The following MED13L variants were observed in gnomAD, a reference collection of about 807,000 sequenced individuals.
The protein encoded by MED13L is mediator of RNA polymerase II transcription subunit 13-like.
Under a neutral mutation model 220.9 loss-of-function variants are expected in MED13L, and 7 were observed. That is an observed-to-expected ratio of 0.03 (90% CI 0.02 to 0.06). The LOEUF is 0.06. Ranked by LOEUF, MED13L falls within the 10% of genes least tolerant of loss-of-function variation. The pLI, the probability that MED13L is intolerant of heterozygous loss-of-function variation, is 1.00. For synonymous variants in MED13L, 1,011 were observed against 1,015.2 expected, an observed-to-expected ratio of 1.00 and a Z score of 0.08; for missense variants, 1,965 against 2,760.5, an observed-to-expected ratio of 0.71 and a Z score of 6.46.
chr12:116,175,810 T>C (rs2138200017), intron 2 of MED13L, among the ~76,000 whole-genome samples: 1 of 152,222 alleles, frequency 6.6e-6, no homozygotes, highest in African/African-American at 2.4e-5. Flanking sequence ...TGAGAAATGA[T>C]GCCGTTAAAC....
intron 1 of MED13L, among the ~76,000 whole-genome samples, chr12:116,248,064 A>C (rs1277218748): frequency 6.6e-6 from 1 of 152,196 alleles, no homozygotes; most frequent in Non-Finnish European, 1.5e-5. Context: ...TAGGCTGGTG[A>C]GGAAATCTAA....
intron 2 of MED13L, among the ~76,000 whole-genome samples, chr12:116,225,511 G>C (rs1483177599): frequency 1.3e-5 from 2 of 152,204 alleles, no homozygotes; most frequent in Admixed American, 6.5e-5. Flanking sequence ...AGAGTTGTAT[G>C]TAATTTGTCC....
chr12:116,261,981 A>T (rs1381433769), intron 1 of MED13L, among the ~76,000 whole-genome samples: 1 of 152,140 alleles, frequency 6.6e-6, no homozygotes, highest in Non-Finnish European at 1.5e-5. Flanking sequence ...TTTCTCTCTA[A>T]AACATAAATC....
intron 4 of MED13L, among the ~76,000 whole-genome samples, chr12:116,085,018 A>G (rs916922741): frequency 2.0e-5 from 3 of 152,194 alleles, no homozygotes; most frequent in South Asian, 2.1e-4. Context: ...TACATTCTCA[A>G]TAACAGTTAA....
intron 2 of MED13L, among the ~76,000 whole-genome samples, chr12:116,171,814 A>G (rs1055976232): frequency 6.6e-6 from 1 of 152,114 alleles, no homozygotes; most frequent in Admixed American, 6.6e-5. Context: ...TCCCCCTTCA[A>G]TATCTACCAA....
At chr12:116,100,620 AAAT>A (rs1260733709) in intron 3 of MED13L, among the ~76,000 whole-genome samples, 1 of 151,404 alleles carries the variant, frequency 6.6e-6, no homozygotes, top group African/African-American at 2.4e-5. Context: ...AAAAAAAAAA[AAAT>A]TAATCAGCCA....
In MED13L at chr12:115,960,053, C is replaced by T. The variant is rs991534256; in HGVS notation, c.*1213G>A. The T allele has an allele frequency of 3.9e-5, 6 of 152,558 alleles. No homozygotes were observed. The highest frequency in any genetic ancestry group is 1.4e-4 in the African/African-American group (6 of 41,428). The allele number at this position is 152,558 out of a possible 1,614,324, so 9.5% of individuals were successfully genotyped here. ...GCCAGGAATGAGGAGTCATAAAATACTTCAATTAGCCATTAATGCTTTAAA... is the reference window on the plus strand; with the variant it reads ...GCCAGGAATGAGGAGTCATAAAATATTTCAATTAGCCATTAATGCTTTAAA... On this transcript the variant is annotated 3_prime_UTR_variant, in exon 31 of 31. Transcript: ENST00000281928.
chr12:116,179,211 G>GTGT (rs914934279), intron 2 of MED13L, among the ~76,000 whole-genome samples: 5 of 142,338 alleles, frequency 3.5e-5, no homozygotes, highest in African/African-American at 1.2e-4. Flanking sequence ...TTACGTGTGT[G>GTGT]TGTGTGTGTG....
At chr12:116,185,098 T>G (rs1880789134) in intron 2 of MED13L, among the ~76,000 whole-genome samples, 1 of 152,140 alleles carries the variant, frequency 6.6e-6, no homozygotes, top group Admixed American at 6.5e-5. Flanking sequence ...ACCAAGAAAT[T>G]TTAACAAACA....
At chr12:116,054,393 C>A (rs1275320388) in intron 4 of MED13L, among the ~76,000 whole-genome samples, 1 of 152,010 alleles carries the variant, frequency 6.6e-6, no homozygotes, top group African/African-American at 2.4e-5. Flanking sequence ...GAATAAAAAC[C>A]GAGTAACAAT....
At chr12:116,220,904 A>G (rs1868369952) in intron 2 of MED13L, among the ~76,000 whole-genome samples, 1 of 152,200 alleles carries the variant, frequency 6.6e-6, no homozygotes, top group Non-Finnish European at 1.5e-5. Context: ...CAAAGTATAT[A>G]CTACTGAATA....
intron 4 of MED13L, among the ~76,000 whole-genome samples, chr12:116,060,686 A>G (rs1038838106): frequency 1.3e-5 from 2 of 152,184 alleles, no homozygotes; most frequent in African/African-American, 4.8e-5. Context: ...TGGGTTAAAA[A>G]CAGTATTAAA....
In MED13L at chr12:116,006,288, A is replaced by C. The variant is rs772805918; in HGVS notation, c.2344+18T>G. The stretch of plus-strand genomic sequence containing the variant: ...TTTTAGCAACAATCCAAGTGAGGCA[A>C]ATAATCATTGTACACACCTGTTTTA... On this transcript the variant is annotated intron_variant, in intron 12 of 30. Coordinates refer to ENST00000281928, the MANE Select transcript of MED13L (RefSeq NM_015335.5). 1 of 1,603,156 alleles carries C rather than the reference A, an allele frequency of 6.2e-7. No individual in the cohort carries two copies. Among genetic ancestry groups the C allele is most frequent in the Non-Finnish European group, 8.5e-7 (1 of 1,170,012 alleles).
At chr12:116,043,836 G>A (rs957390281) in intron 4 of MED13L, among the ~76,000 whole-genome samples, 1 of 152,174 alleles carries the variant, frequency 6.6e-6, no homozygotes, top group African/African-American at 2.4e-5. Context: ...TAATAGAAAG[G>A]CATGTATTTT....
At chr12:116,269,466 CAAAAA>C (rs34100053) in intron 1 of MED13L, among the ~76,000 whole-genome samples, 64 of 69,146 alleles carry the variant, frequency 9.3e-4, no homozygotes, top group African/African-American at 2.7e-3. Context: ...TTAAACTATG[CAAAAA>C]AAAAAAAAAA....
chr12:116,199,159 T>C (rs1881841608), intron 2 of MED13L, among the ~76,000 whole-genome samples: 1 of 152,244 alleles, frequency 6.6e-6, no homozygotes, highest in African/African-American at 2.4e-5. Context: ...TCCCTTTCCA[T>C]TCTGGTCCCA....
At chr12:116,014,142 A>G (rs1879584870) in intron 8 of MED13L, among the ~76,000 whole-genome samples, 1 of 152,214 alleles carries the variant, frequency 6.6e-6, no homozygotes, top group African/African-American at 2.4e-5. Context: ...TCTTCAATGG[A>G]CTATTCTAGA....
At chr12:116,122,156 A>G (rs944833742) in intron 2 of MED13L, among the ~76,000 whole-genome samples, 25 of 152,200 alleles carry the variant, frequency 1.6e-4, no homozygotes, top group African/African-American at 5.8e-4. Flanking sequence ...CACTAATCAG[A>G]TATTACAACA....
intron 27 of MED13L, among the ~76,000 whole-genome samples, chr12:115,969,760 G>C (rs1242716574): frequency 6.6e-6 from 1 of 152,002 alleles, no homozygotes; most frequent in African/African-American, 2.4e-5. Flanking sequence ...CTGACCTCAA[G>C]GGATCCGCCT....
Sources: gnomAD v4.1 joint callset for allele counts (sites outside exome capture counted in the v4.1 genomes callset) on GRCh38, gnomAD v4.1.1 for gene constraint, MANE v1.5 for transcripts, NCBI Gene and HGNC (gene_info 2026-07-23, HGNC 2026-07-21) for gene names.